Variants in RIMS2 observed in about 807,000 individuals in gnomAD.
The protein encoded by RIMS2 is regulating synaptic membrane exocytosis 2.
In RIMS2, 59 loss-of-function variants were observed where a neutral mutation model predicts 174.4. The ratio of observed to expected loss-of-function variants is 0.34; its 90% CI spans 0.27 to 0.42. The LOEUF is 0.42. Among genes scored for constraint, RIMS2 ranks in the 10% least tolerant of loss-of-function variants. The pLI, the probability that RIMS2 is intolerant of heterozygous loss-of-function variation, is 1.00. For missense variants in RIMS2, 1,620 were observed against 1,666.3 expected, an observed-to-expected ratio of 0.97 and a Z score of 0.48; for synonymous variants, 606 against 572.5, an observed-to-expected ratio of 1.06 and a Z score of -0.84.
chr8:104,203,349 T>C (rs895443189), intron 19 of RIMS2, among the ~76,000 whole-genome samples: 3 of 152,192 alleles, frequency 2.0e-5, no homozygotes, highest in Non-Finnish European at 2.9e-5. Context: ...GTCTCATAAA[T>C]ATATTATGAC....
chr8:103,545,835 G>C (rs549657767), intron 1 of RIMS2, among the ~76,000 whole-genome samples: 1 of 152,084 alleles, frequency 6.6e-6, no homozygotes, highest in Non-Finnish European at 1.5e-5. Context: ...AGGTCCTTAG[G>C]GAATTCATTA....
chr8:103,882,927 C>CT (rs1213455987), intron 3 of RIMS2, among the ~76,000 whole-genome samples: 3 of 151,428 alleles, frequency 2.0e-5, no homozygotes, highest in East Asian at 3.9e-4. Flanking sequence ...TGAAATATTC[C>CT]TTTTTTTAAC....
intron 19 of RIMS2, among the ~76,000 whole-genome samples, chr8:104,060,505 C>T (rs1285749555): frequency 4.0e-5 from 6 of 151,888 alleles, no homozygotes; most frequent in Non-Finnish European, 8.8e-5. Flanking sequence ...TTTTGTTGAT[C>T]CTTTCAAAAA....
At position 103,734,014 on chromosome 8, in the gene RIMS2, C is replaced by CTTTTTTTTTTTTTTT. The variant is rs59348302; in HGVS notation, c.388-32202_388-32188dup. ...CTTGCTTTACCTCTCCTAAAAGCTTCTTTTTTTTTTTTTTTTTTTTTTTTT... is the reference window on the plus strand; with the variant it reads ...CTTGCTTTACCTCTCCTAAAAGCTTCTTTTTTTTTTTTTTTTTTTTTTTTTTTTTTTTTTTTTTTT... On this transcript the variant is annotated intron_variant, in intron 2 of 23. Coordinates refer to ENST00000504942, the Ensembl canonical transcript of RIMS2. Among the ~76,000 whole-genome samples, 110 of 85,734 alleles carry CTTTTTTTTTTTTTTT rather than the reference C, an allele frequency of 1.3e-3. 11 individuals carry two copies. The highest frequency in any genetic ancestry group is 5.5e-3 in the African/African-American group (102 of 18,586). 56.2% of individuals were successfully genotyped at this position (85,734 alleles called of 152,430 possible).
chr8:103,579,777 A>T (rs896061889), intron 1 of RIMS2, among the ~76,000 whole-genome samples: 1 of 152,224 alleles, frequency 6.6e-6, no homozygotes, highest in African/African-American at 2.4e-5. Flanking sequence ...AGACTGGGTA[A>T]TTTATGAATA....
intron 15 of RIMS2, among the ~76,000 whole-genome samples, chr8:103,970,503 G>A (rs1246061324): frequency 6.6e-6 from 1 of 152,158 alleles, no homozygotes; most frequent in African/African-American, 2.4e-5. Context: ...TGGGAACCTG[G>A]TGGAGCTCCT....
At chr8:103,703,115 G>T (rs2097186351) in intron 2 of RIMS2, among the ~76,000 whole-genome samples, 1 of 151,490 alleles carries the variant, frequency 6.6e-6, no homozygotes, top group African/African-American at 2.4e-5. Context: ...TTGAGTATCT[G>T]GGACTATGAT....
chr8:104,030,447 C>G (rs894068854), intron 19 of RIMS2, among the ~76,000 whole-genome samples: 4 of 152,292 alleles, frequency 2.6e-5, no homozygotes, highest in East Asian at 3.9e-4. Context: ...GTGAATGCTA[C>G]TATGAGAATA....
chr8:104,094,389 C>T, intron 19 of RIMS2: 2 of 562,606 alleles, frequency 3.6e-6, no homozygotes, highest in Non-Finnish European at 6.3e-6. Flanking sequence ...TTTTTATTAC[C>T]TTTCTGTTTA....
At chr8:104,243,325 T>G (rs1487446217) in intron 19 of RIMS2, among the ~76,000 whole-genome samples, 2 of 152,178 alleles carry the variant, frequency 1.3e-5, no homozygotes, top group African/African-American at 4.8e-5. Flanking sequence ...GGCAAGTACT[T>G]CTAAGAGACT....
chr8:103,979,990 G>A (rs1482365540), intron 16 of RIMS2, among the ~76,000 whole-genome samples: 2 of 152,050 alleles, frequency 1.3e-5, no homozygotes, highest in Admixed American at 1.3e-4. Context: ...TGGAGTCCTA[G>A]GTAAACTGGA....
At chr8:103,735,980 A>G (rs1422998987) in intron 2 of RIMS2, among the ~76,000 whole-genome samples, 1 of 152,112 alleles carries the variant, frequency 6.6e-6, no homozygotes, top group African/African-American at 2.4e-5. Flanking sequence ...TTATTTTTAA[A>G]TTCTGTGTTG....
At chr8:103,817,796 A>G in intron 3 of RIMS2, among the ~76,000 whole-genome samples, 1 of 152,212 alleles carries the variant, frequency 6.6e-6, no homozygotes, top group East Asian at 1.9e-4. Context: ...TAATTAATTT[A>G]AAAATAAATA....
intron 19 of RIMS2, among the ~76,000 whole-genome samples, chr8:104,111,569 G>A (rs2098184234): frequency 6.6e-6 from 1 of 152,016 alleles, no homozygotes; most frequent in African/African-American, 2.4e-5. Context: ...CACCACGTCC[G>A]GCTACTTTTT....
At chr8:103,855,751 A>T (rs891886890) in intron 3 of RIMS2, among the ~76,000 whole-genome samples, 2 of 151,998 alleles carry the variant, frequency 1.3e-5, no homozygotes, top group African/African-American at 4.8e-5. Flanking sequence ...TTTTGAATTT[A>T]TTAAGACATG....
intron 1 of RIMS2, among the ~76,000 whole-genome samples, chr8:103,601,297 G>A (rs755983528): frequency 1.3e-5 from 2 of 151,868 alleles, no homozygotes; most frequent in Non-Finnish European, 1.5e-5. Context: ...TTTTATTTGG[G>A]CCTCTCTCTC....
chr8:103,652,710 CGTAA>C, intron 1 of RIMS2: 1 of 1,341,542 alleles, frequency 7.5e-7, no homozygotes, highest in Non-Finnish European at 9.9e-7. Flanking sequence ...GAGCCCCAGA[CGTAA>C]GTAAGCTGAT....
chr8:103,690,599 C>T (rs1442588316), intron 1 of RIMS2, among the ~76,000 whole-genome samples: 1 of 152,120 alleles, frequency 6.6e-6, no homozygotes, highest in Non-Finnish European at 1.5e-5. Flanking sequence ...CTACACTTAA[C>T]CTTTACTCAC....
At chr8:103,795,335 A>T (rs938555609) in intron 3 of RIMS2, among the ~76,000 whole-genome samples, 2 of 152,050 alleles carry the variant, frequency 1.3e-5, no homozygotes, top group African/African-American at 4.8e-5. Context: ...TCGCAAGGAC[A>T]GAAAACCAGA....
Sources: gnomAD v4.1 joint callset for allele counts (sites outside exome capture counted in the v4.1 genomes callset) on GRCh38, gnomAD v4.1.1 for gene constraint, MANE v1.5 for transcripts, NCBI Gene and HGNC (gene_info 2026-07-23, HGNC 2026-07-21) for gene names.